ZBED6: variants seen among roughly 807,000 people sequenced by gnomAD.
ZBED6 encodes zinc finger BED domain-containing protein 6.
In ZBED6, 40 loss-of-function variants were observed where a neutral mutation model predicts 58.4. That is an observed-to-expected ratio of 0.68 (90% CI 0.53 to 0.89). The LOEUF is 0.89. Among genes scored for constraint, ZBED6 ranks in the 40% least tolerant of loss-of-function variants. The pLI is 0.00. For missense variants in ZBED6, 1,057 were observed against 1,003.9 expected (o/e 1.05, Z -0.71); for synonymous variants, 439 against 350.6 (o/e 1.25, Z -2.82).
intron 3 of ZBED6, among the ~76,000 whole-genome samples, chr1:203,820,764 G>C (rs1678352720): frequency 6.6e-6 from 1 of 152,116 alleles, no homozygotes; most frequent in Admixed American, 6.6e-5. Flanking sequence ...ACAGGTGTGA[G>C]CCACGCCCGG....
intron 4 of ZBED6, 139 bp from the exon 5 acceptor site, chr1:203,829,312 C>G: frequency 1.2e-6 from 1 of 823,676 alleles, no homozygotes; most frequent in South Asian, 1.8e-5. Context: ...CTCCCTGGGA[C>G]TTTAGAACTT....
chr1:203,808,491 A>G (rs902772149), intron 1 of ZBED6, among the ~76,000 whole-genome samples: 7 of 152,180 alleles, frequency 4.6e-5, no homozygotes, highest in African/African-American at 1.4e-4. Context: ...AAGTCCATCA[A>G]ATTTAAGGAA....
exon 1 of ZBED6, chr1:203,797,514 A>G (rs1229292413): frequency 4.7e-6 from 7 of 1,486,768 alleles, no homozygotes; most frequent in East Asian, 2.5e-5. Context: ...TTGTGGAGAC[A>G]TAAAGAGAAT....
chr1:203,827,658 G>A (rs1680998803), intron 3 of ZBED6, among the ~76,000 whole-genome samples: 1 of 151,226 alleles, frequency 6.6e-6, no homozygotes, highest in Admixed American at 6.6e-5. Flanking sequence ...CTCCAGCCTG[G>A]GTGACAGAGC....
exon 1 of ZBED6, chr1:203,797,148 G>C (rs1395341804): frequency 6.2e-6 from 1 of 161,126 alleles, no homozygotes; most frequent in East Asian, 1.8e-4. Context: ...TATAGTTCTT[G>C]ATGAAGCAGG....
At chr1:203,836,477 C>CGGTA (rs1158714179) in intron 9 of ZBED6, among the ~76,000 whole-genome samples, 1 of 152,126 alleles carries the variant, frequency 6.6e-6, no homozygotes, top group Non-Finnish European at 1.5e-5. Context: ...AGGCTGGGCG[C>CGGTA]GGTAGCTTAC....
intron 2 of ZBED6, 46 bp from the exon 3 acceptor site, chr1:203,818,524 G>T (rs1285882469): frequency 1.2e-6 from 2 of 1,611,794 alleles, no homozygotes; most frequent in African/African-American, 1.3e-5. Flanking sequence ...TTTTACCTAG[G>T]ATGTATTTCA....
At chr1:203,818,765 G>A (rs1677210116) in intron 3 of ZBED6, 76 bp downstream of exon 3, 5 of 1,603,102 alleles carry the variant, frequency 3.1e-6, no homozygotes, top group Non-Finnish European at 4.3e-6. Context: ...AGGGACAAAA[G>A]TGACTTTTAA....
intron 3 of ZBED6, among the ~76,000 whole-genome samples, chr1:203,824,149 T>C (rs1470759425): frequency 6.6e-6 from 1 of 151,756 alleles, no homozygotes; most frequent in African/African-American, 2.4e-5. Flanking sequence ...AGCCATGTAG[T>C]CCCAGCTACT....
At chr1:203,818,324 T>C (rs1265619741) in intron 2 of ZBED6, among the ~76,000 whole-genome samples, 1 of 150,890 alleles carries the variant, frequency 6.6e-6, no homozygotes, top group South Asian at 2.1e-4. Context: ...CTTGTCTTTT[T>C]CAACTCTTTT....
At chr1:203,843,100 A>G (rs1281883050) in intron 11 of ZBED6, among the ~76,000 whole-genome samples, 4 of 152,180 alleles carry the variant, frequency 2.6e-5, no homozygotes, top group African/African-American at 7.2e-5. Flanking sequence ...GATGTTGGAC[A>G]TTCTTATTCT....
chr1:203,802,714 C>CTTTTTTTTTTTTTTTTTT (rs150416242), exon 1 of ZBED6: 3 of 131,658 alleles, frequency 2.3e-5, no homozygotes, highest in African/African-American at 8.2e-5. Context: ...TAAATGAACT[C>CTTTTTTTTTTTTTTTTTT]TTTTTTTTTG....
At chr1:203,804,739 C>T (rs1671693256) in intron 1 of ZBED6, among the ~76,000 whole-genome samples, 1 of 145,780 alleles carries the variant, frequency 6.9e-6, no homozygotes, top group African/African-American at 2.6e-5. Flanking sequence ...ATGGTGCTGT[C>T]TTGGCTCATT....
intron 1 of ZBED6, among the ~76,000 whole-genome samples, chr1:203,813,273 C>T (rs533729647): frequency 1.7e-4 from 26 of 151,830 alleles, no homozygotes; most frequent in Admixed American, 3.9e-4. Context: ...GTGGTGTGAT[C>T]TCAGCTCACT....
At chr1:203,845,228 G>A (rs1298686189) in intron 11 of ZBED6, among the ~76,000 whole-genome samples, 2 of 152,142 alleles carry the variant, frequency 1.3e-5, no homozygotes, top group Admixed American at 6.5e-5. Flanking sequence ...CATTGCTGGT[G>A]TGGATTTATT....
intron 9 of ZBED6, 51 bp from the exon 10 acceptor site, chr1:203,837,915 C>T: frequency 6.4e-7 from 1 of 1,551,400 alleles, no homozygotes; most frequent in Non-Finnish European, 8.8e-7. Context: ...TATTTCTTGT[C>T]CTTGCTGAAG....
chr1:203,826,106 G>C (rs977759126), intron 3 of ZBED6, among the ~76,000 whole-genome samples: 1 of 152,114 alleles, frequency 6.6e-6, no homozygotes, highest in African/African-American at 2.4e-5. Flanking sequence ...CCTTGAGAAA[G>C]GAAGAATTGA....
intron 9 of ZBED6, 92 bp from the exon 10 acceptor site, chr1:203,837,874 A>G (rs1684872149): frequency 1.7e-6 from 2 of 1,206,114 alleles, no homozygotes; most frequent in East Asian, 2.3e-5. Flanking sequence ...AACACTTAAC[A>G]GAATTATGCT....
At chr1:203,852,396 C>T (rs1473683241) in exon 17 of ZBED6, 2 of 1,613,440 alleles carry the variant, frequency 1.2e-6, no homozygotes, top group Non-Finnish European at 1.7e-6. Flanking sequence ...TGATTGATAG[C>T]TGAAGGTGGT....
Sources: allele counts gnomAD v4.1 joint callset (sites outside exome capture counted in the v4.1 genomes callset), GRCh38; gene constraint gnomAD v4.1.1; transcripts MANE v1.5; gene names NCBI Gene and HGNC (gene_info 2026-07-23, HGNC 2026-07-21).